The following VAV3 variants were observed in gnomAD, a reference collection of about 807,000 sequenced individuals.
VAV3 encodes guanine nucleotide exchange factor VAV3.
Under a neutral mutation model 131.2 loss-of-function variants are expected in VAV3, and 94 were observed. That is an observed-to-expected ratio of 0.72 (90% CI 0.61 to 0.85). VAV3 has a LOEUF of 0.85. Ranked by LOEUF, VAV3 falls within the 40% of genes least tolerant of loss-of-function variation. VAV3 has a pLI of 0.00. For missense variants in VAV3, 939 were observed against 1,002.7 expected, an observed-to-expected ratio of 0.94 and a Z score of 0.86; for synonymous variants, 349 against 342.0, an observed-to-expected ratio of 1.02 and a Z score of -0.22.
chr1:107,832,150 G>A (rs948454238), intron 2 of VAV3, among the ~76,000 whole-genome samples: 3 of 152,206 alleles, frequency 2.0e-5, no homozygotes, highest in African/African-American at 7.2e-5. Context: ...GGCAGCCATG[G>A]GGACTGATCT....
intron 2 of VAV3, among the ~76,000 whole-genome samples, chr1:107,865,095 C>G (rs1319045057): frequency 6.6e-6 from 1 of 152,160 alleles, no homozygotes; most frequent in Non-Finnish European, 1.5e-5. Context: ...CAGATCAAAA[C>G]ATGAAGGCTC....
intron 1 of VAV3, among the ~76,000 whole-genome samples, chr1:107,953,298 G>T (rs543822429): frequency 1.3e-5 from 2 of 152,270 alleles, no homozygotes; most frequent in East Asian, 3.9e-4. Context: ...GAGGCAGTGG[G>T]GAGAAGGAAG....
At chr1:107,930,891 T>C (rs957035863) in intron 1 of VAV3, among the ~76,000 whole-genome samples, 2 of 152,230 alleles carry the variant, frequency 1.3e-5, no homozygotes, top group Non-Finnish European at 2.9e-5. Flanking sequence ...AATCTGTTCA[T>C]GCCTTCAGAG....
intron 18 of VAV3, 67 bp downstream of exon 18, chr1:107,688,314 C>T (rs1659178287): frequency 1.3e-6 from 2 of 1,561,938 alleles, no homozygotes; most frequent in Non-Finnish European, 1.7e-6. Context: ...AAAGCCCAAG[C>T]CTGGTTAAGT....
intron 22 of VAV3, among the ~76,000 whole-genome samples, chr1:107,608,630 A>G (rs1014313092): frequency 4.6e-5 from 7 of 152,210 alleles, no homozygotes; most frequent in African/African-American, 1.7e-4. Flanking sequence ...AAGGGTAGAC[A>G]GTAACTACAG....
At chr1:107,632,333 C>G (rs994170042) in intron 20 of VAV3, among the ~76,000 whole-genome samples, 3 of 152,082 alleles carry the variant, frequency 2.0e-5, no homozygotes, top group African/African-American at 7.2e-5. Context: ...TTGCAAAGCT[C>G]CCCAGGTGAT....
chr1:107,635,398 C>T (rs1261680959), intron 20 of VAV3, among the ~76,000 whole-genome samples: 2 of 142,550 alleles, frequency 1.4e-5, no homozygotes, highest in Non-Finnish European at 3.0e-5. Flanking sequence ...CATGTTCTCA[C>T]TCATAGGTGG....
intron 13 of VAV3, 25 bp downstream of exon 13, chr1:107,751,092 G>A (rs1335462159): frequency 1.3e-6 from 2 of 1,593,280 alleles, no homozygotes; most frequent in Non-Finnish European, 1.7e-6. Flanking sequence ...TACTTATTTT[G>A]AAAATAGTAT....
At chr1:107,573,855 A>T (rs780250349) in intron 26 of VAV3, among the ~76,000 whole-genome samples, 192 bp downstream of exon 26, 9 of 152,176 alleles carry the variant, frequency 5.9e-5, no homozygotes, top group Non-Finnish European at 1.3e-4. Context: ...TGTCACTATC[A>T]TATTCATTTC....
At chr1:107,842,431 G>A (rs1668762724) in intron 2 of VAV3, among the ~76,000 whole-genome samples, 1 of 152,170 alleles carries the variant, frequency 6.6e-6, no homozygotes, top group Admixed American at 6.5e-5. Context: ...TTTGTTTCAG[G>A]TGTGTCTCTT....
intron 25 of VAV3, among the ~76,000 whole-genome samples, chr1:107,589,619 C>A (rs556418799): frequency 3.3e-5 from 5 of 152,152 alleles, no homozygotes; most frequent in South Asian, 2.1e-4. Context: ...TACTAGGAAA[C>A]CAATATAATG....
chr1:107,814,842 G>GA (rs1407795794), intron 2 of VAV3, among the ~76,000 whole-genome samples: 1 of 152,152 alleles, frequency 6.6e-6, no homozygotes, highest in African/African-American at 2.4e-5. Flanking sequence ...AGAGAACAAG[G>GA]AAAGAGAGAT....
intron 1 of VAV3, among the ~76,000 whole-genome samples, chr1:107,961,705 T>TG (rs1675098625): frequency 1.3e-5 from 2 of 152,186 alleles, no homozygotes; most frequent in African/African-American, 4.8e-5. Context: ...GATCATCCTC[T>TG]TACCAAGATG....
At chr1:107,814,792 A>G (rs1347272723) in intron 2 of VAV3, among the ~76,000 whole-genome samples, 1 of 152,230 alleles carries the variant, frequency 6.6e-6, no homozygotes, top group East Asian at 1.9e-4. Context: ...AGAATATTCT[A>G]GCAGCAATTT....
intron 20 of VAV3, among the ~76,000 whole-genome samples, chr1:107,632,207 C>A (rs537911832): frequency 6.6e-6 from 1 of 152,226 alleles, no homozygotes; most frequent in South Asian, 2.1e-4. Context: ...ATTAGATAAT[C>A]AAATCAATGG....
At chr1:107,640,149 T>C (rs1429917718) in intron 20 of VAV3, among the ~76,000 whole-genome samples, 1 of 152,138 alleles carries the variant, frequency 6.6e-6, no homozygotes, top group Non-Finnish European at 1.5e-5. Context: ...ATTATGTCCA[T>C]ACAAAGAATT....
intron 15 of VAV3, among the ~76,000 whole-genome samples, chr1:107,726,379 C>T (rs952637887): frequency 6.6e-6 from 1 of 152,202 alleles, no homozygotes; most frequent in Non-Finnish European, 1.5e-5. Flanking sequence ...CCGGCAGAGG[C>T]GCTCTGCAGA....
intron 19 of VAV3, among the ~76,000 whole-genome samples, chr1:107,653,323 T>C (rs1476114390): frequency 4.0e-5 from 6 of 151,742 alleles, no homozygotes; most frequent in Admixed American, 2.6e-4. Context: ...AATTGAACAA[T>C]CTCTCTACCC....
intron 2 of VAV3, among the ~76,000 whole-genome samples, chr1:107,865,258 G>A (rs185621473): frequency 4.7e-4 from 72 of 152,282 alleles, no homozygotes; most frequent in Middle Eastern, 3.4e-3. Flanking sequence ...AGAAGCAGGG[G>A]GAAGGTCCCA....
Sources: allele counts gnomAD v4.1 joint callset (sites outside exome capture counted in the v4.1 genomes callset), GRCh38; gene constraint gnomAD v4.1.1; transcripts MANE v1.5; gene names NCBI Gene and HGNC (gene_info 2026-07-23, HGNC 2026-07-21).